The following APBA2 variants were observed in gnomAD, a reference collection of about 807,000 sequenced individuals.
The protein encoded by APBA2 is amyloid beta precursor protein binding family A member 2.
APBA2 carries 30 observed loss-of-function variants against 75.0 expected under a neutral mutation model. That is an observed-to-expected ratio of 0.40 (90% confidence interval 0.30 to 0.54). The LOEUF is 0.54. APBA2 is among the 20% of genes least tolerant of loss of function. APBA2 has a pLI of 0.49. For missense variants in APBA2, 801 were observed against 1,016.1 expected (o/e 0.79, Z 2.88); for synonymous variants, 444 against 409.6 (o/e 1.08, Z -1.01).
chr15:28,923,598 G>A lies in APBA2; in HGVS notation c.-95+1849G>A, dbSNP rs141220369. Among the ~76,000 whole-genome samples, 18 of 152,110 alleles carry A rather than the reference G, an allele frequency of 1.2e-4. No homozygotes were observed. In the East Asian group the frequency reaches 3.3e-3, roughly 28 times the overall value. On this transcript the variant is annotated intron_variant, in intron 2 of 14. Transcript: ENST00000683413. ...GTGTGGGGTGGGGGGAGGGGCCTCA[G>A]CGCTCAGCAGACAGGTGCTCACTGG...
intron 1 of APBA2, among the ~76,000 whole-genome samples, chr15:28,915,243 TACCACACACCACACACATAGCCCATACAC>T (rs2033632512): frequency 4.3e-5 from 2 of 46,888 alleles, no homozygotes; most frequent in Non-Finnish European, 4.3e-5. Context: ...ACCCCATATA[TACCACACACCACACACATAGCCCATACAC>T]ACCACACACC....
intron 3 of APBA2, among the ~76,000 whole-genome samples, chr15:29,032,005 A>G (rs2040513119): frequency 6.6e-6 from 1 of 152,258 alleles, no homozygotes; most frequent in Non-Finnish European, 1.5e-5. Flanking sequence ...GTGAGAGTTA[A>G]TGTAGCAGAG....
rs144665150 is a variant in APBA2 at position 29,060,781 on chromosome 15, G to A, written c.951+5946G>A. ...TTTTTTTGAGCTTTGTTGACATAAC[G>A]TATTGATTTTTTTTTTCATGCAGTG... On this transcript the variant is annotated intron_variant, in intron 4 of 14. Coordinates refer to ENST00000683413, the MANE Select transcript of APBA2 (RefSeq NM_001353788.2). Among the ~76,000 whole-genome samples the A allele has an allele frequency of 3.9e-5, 6 of 152,028 alleles. No individual in the cohort carries two copies. The East Asian group carries it at 9.6e-4, about 24-fold the overall frequency.
chr15:28,987,944 G>A (rs2038016626), intron 2 of APBA2, among the ~76,000 whole-genome samples: 1 of 151,410 alleles, frequency 6.6e-6, no homozygotes, highest in Admixed American at 6.6e-5. Context: ...TTTTAATAAG[G>A]CAGGGTTTCA....
intron 3 of APBA2, among the ~76,000 whole-genome samples, chr15:29,003,475 A>G (rs1464785694): frequency 1.3e-5 from 2 of 152,220 alleles, no homozygotes; most frequent in South Asian, 2.1e-4. Context: ...TAGTTAAGCC[A>G]CTAGCTCCAG....
At chr15:29,052,602 C>T (rs140035719) in intron 3 of APBA2, among the ~76,000 whole-genome samples, 25 of 152,090 alleles carry the variant, frequency 1.6e-4, no homozygotes, top group Non-Finnish European at 4.4e-5. Context: ...TCTGTCCCCA[C>T]GCCAGGCCCA....
rs989916274 is a variant in APBA2 at position 29,117,320 on chromosome 15, C to CAA, written c.*189_*190dup. ...TTGCCAAAAAGGGGTATGTCTTTAT[C>CAA]AAAGGAGAGTCACAGAACAAATGTT... On this transcript the variant is annotated 3_prime_UTR_variant, in exon 15 of 15. Coordinates refer to ENST00000683413, the MANE Select transcript of APBA2 (RefSeq NM_001353788.2). 1.6e-6 allele frequency: 1 copy of CAA among 611,800 alleles called. No individual in the cohort carries two copies. Among genetic ancestry groups the CAA allele is most frequent in the African/African-American group, 1.9e-5 (1 of 54,020 alleles). The allele number at this position is 611,800 out of a possible 1,614,324, so 37.9% of individuals were successfully genotyped here.
intron 13 of APBA2, among the ~76,000 whole-genome samples, chr15:29,109,070 G>T (rs1474336149): frequency 6.6e-6 from 1 of 152,202 alleles, no homozygotes. Flanking sequence ...GTGGAGTAAA[G>T]AAGAAAAGGG....
chr15:28,894,873 G>C (rs2032370290), intron 1 of APBA2, among the ~76,000 whole-genome samples: 1 of 151,266 alleles, frequency 6.6e-6, no homozygotes, highest in Non-Finnish European at 1.5e-5. Context: ...AAGATGCACT[G>C]CATGGGGTGG....
At chr15:29,003,552 T>C (rs2038959748) in intron 3 of APBA2, among the ~76,000 whole-genome samples, 1 of 152,156 alleles carries the variant, frequency 6.6e-6, no homozygotes, top group Non-Finnish European at 1.5e-5. Flanking sequence ...GTTTCAGTGG[T>C]GCACTGAAAC....
In APBA2 at chr15:29,117,411, T is replaced by TA; in HGVS notation, c.*278_*279insA. The TA allele has an allele frequency of 1.9e-6, 1 of 526,542 alleles. No individual in the cohort carries two copies. Among genetic ancestry groups the TA allele is most frequent in the Non-Finnish European group, 3.4e-6 (1 of 290,598 alleles). 32.6% of individuals were successfully genotyped at this position (526,542 alleles called of 1,614,324 possible). The stretch of plus-strand genomic sequence containing the variant: ...TGTCTTCTCCCTGCACAAGCCAGGG[T>TA]GTGTCTCGGTAGCTGTGCGTGGTGT... On this transcript the variant is annotated 3_prime_UTR_variant, in exon 15 of 15. Coordinates refer to ENST00000683413, the MANE Select transcript of APBA2 (RefSeq NM_001353788.2).
chr15:28,938,087 G>A (rs2152699476), intron 2 of APBA2, among the ~76,000 whole-genome samples: 1 of 152,182 alleles, frequency 6.6e-6, no homozygotes, highest in South Asian at 2.1e-4. Flanking sequence ...GTGTCCTGAG[G>A]TCATCAGGGA....
chr15:29,085,163 C>G (rs910361463), intron 6 of APBA2, among the ~76,000 whole-genome samples: 2 of 152,024 alleles, frequency 1.3e-5, no homozygotes, highest in Admixed American at 1.3e-4. Flanking sequence ...ATTTGGTTAC[C>G]CTGAATATTG....
Position 29,096,084 on chromosome 15 carries a change from GTTTGTTCTTCC to G in APBA2, c.1251+1775_1251+1785del, listed in dbSNP as rs1314926077. On this transcript the variant is annotated intron_variant, in intron 8 of 14. Coordinates refer to ENST00000683413, the MANE Select transcript of APBA2 (RefSeq NM_001353788.2). ...GGCCGCCTGATTACATTTAATTACG[GTTTGTTCTTCC>G]TTTTTGGAAAGTGGGATGCTCAGTG... Among the ~76,000 whole-genome samples, 4 of 152,222 alleles carry G rather than the reference GTTTGTTCTTCC, an allele frequency of 2.6e-5. No homozygotes were observed. The East Asian group carries it at 7.7e-4, about 29-fold the overall frequency.
At chr15:29,073,130 C>G (rs1031796696) in intron 4 of APBA2, among the ~76,000 whole-genome samples, 14 of 152,266 alleles carry the variant, frequency 9.2e-5, no homozygotes, top group Non-Finnish European at 8.8e-5. Context: ...TTTAATTTTT[C>G]TCAAAACCCC....
intron 3 of APBA2, among the ~76,000 whole-genome samples, chr15:29,025,225 C>T (rs2040154825): frequency 6.6e-6 from 1 of 150,832 alleles, no homozygotes; most frequent in South Asian, 2.1e-4. Context: ...AGGTTCAAGG[C>T]TGAAGAAGAG....
At chr15:28,990,239 G>A (rs1209192376) in intron 2 of APBA2, among the ~76,000 whole-genome samples, 6 of 152,130 alleles carry the variant, frequency 3.9e-5, no homozygotes, top group Non-Finnish European at 5.9e-5. Context: ...GCGAAACTGC[G>A]TCTTTACTAA....
chr15:28,970,349 A>ATATAATAATT (rs2036998048), intron 2 of APBA2: 1 of 149,754 alleles, frequency 6.7e-6, no homozygotes, highest in Non-Finnish European at 1.5e-5. Context: ...GATATGTACT[A>ATATAATAATT]TATAATAATT....
intron 2 of APBA2, among the ~76,000 whole-genome samples, chr15:28,973,196 T>C (rs937742630): frequency 3.3e-5 from 5 of 152,196 alleles, no homozygotes; most frequent in Non-Finnish European, 7.4e-5. Context: ...GATATCACAA[T>C]AGGTAAAGAC....
Sources: gnomAD v4.1 joint callset for allele counts (sites outside exome capture counted in the v4.1 genomes callset) on GRCh38, gnomAD v4.1.1 for gene constraint, MANE v1.5 for transcripts, NCBI Gene and HGNC (gene_info 2026-07-23, HGNC 2026-07-21) for gene names.